The following PIK3C2G variants were observed in gnomAD, a reference collection of about 807,000 sequenced individuals.
PIK3C2G encodes the protein phosphatidylinositol-4-phosphate 3-kinase catalytic subunit type 2 gamma.
Under a neutral mutation model 181.1 loss-of-function variants are expected in PIK3C2G, and 168 were observed. The observed-to-expected ratio is 0.93, with a 90% CI of 0.82 to 1.05. PIK3C2G has a LOEUF of 1.05. Ranked by LOEUF, PIK3C2G falls within the 50% of genes least tolerant of loss-of-function variation. The pLI is 0.00. For synonymous variants in PIK3C2G, 573 were observed against 592.2 expected (o/e 0.97, Z 0.47); for missense variants, 1,869 against 1,732.8 (o/e 1.08, Z -1.40).
At chr12:18,265,106 G>A (rs916088668) in intron 1 of PIK3C2G, among the ~76,000 whole-genome samples, 2 of 152,054 alleles carry the variant, frequency 1.3e-5, no homozygotes, top group African/African-American at 4.8e-5. Flanking sequence ...ATACATGTGC[G>A]TGGCTATTTA....
At chr12:18,345,724 T>G (rs1236277465) in intron 10 of PIK3C2G, among the ~76,000 whole-genome samples, 8 of 152,214 alleles carry the variant, frequency 5.3e-5, no homozygotes. Flanking sequence ...TCTTTTAATT[T>G]TTTTTTACTT....
intron 26 of PIK3C2G, among the ~76,000 whole-genome samples, chr12:18,554,286 T>G (rs1213870071): frequency 6.6e-6 from 1 of 152,082 alleles, no homozygotes; most frequent in African/African-American, 2.4e-5. Context: ...AATATAAATG[T>G]TCTTTAACTT....
At chr12:18,320,054 A>G (rs1242895981) in intron 6 of PIK3C2G, 1 of 152,154 alleles carries the variant, frequency 6.6e-6, no homozygotes, top group Admixed American at 6.5e-5. Flanking sequence ...AAATTAATTT[A>G]CCTTTGACAT....
intron 24 of PIK3C2G, among the ~76,000 whole-genome samples, chr12:18,516,671 TC>T (rs1352345065): frequency 6.6e-6 from 1 of 152,062 alleles, no homozygotes; most frequent in Non-Finnish European, 1.5e-5. Flanking sequence ...TTTTCTTTTT[TC>T]CTTCTCTGAT....
chr12:18,300,507 T>C (rs141647649), intron 5 of PIK3C2G, among the ~76,000 whole-genome samples: 1 of 152,066 alleles, frequency 6.6e-6, no homozygotes, highest in Non-Finnish European at 1.5e-5. Context: ...TCTATATGTG[T>C]CTTTATAAGT....
chr12:18,279,382 TTAACAA>T (rs1364305980), intron 1 of PIK3C2G, among the ~76,000 whole-genome samples: 1 of 151,922 alleles, frequency 6.6e-6, no homozygotes, highest in African/African-American at 2.4e-5. Context: ...TTAGGTATCG[TTAACAA>T]TAACAAGATC....
At chr12:18,691,337 AT>A in the PIK3C2G span, among the ~76,000 whole-genome samples, 1 of 152,116 alleles carries the variant, frequency 6.6e-6, no homozygotes, top group Non-Finnish European at 1.5e-5. Flanking sequence ...CAGAATGGTG[AT>A]TAAGGAGGTA....
At chr12:18,652,514 G>GTTGC (rs1950562761), downstream of PIK3C2G, among the ~76,000 whole-genome samples, 1 of 152,138 alleles carries the variant, frequency 6.6e-6, no homozygotes, top group Non-Finnish European at 1.5e-5. Context: ...GAAAAATACT[G>GTTGC]TTGCTTAAGC....
At chr12:18,246,129 C>T (rs1387919109), upstream of PIK3C2G, among the ~76,000 whole-genome samples, 1 of 152,060 alleles carries the variant, frequency 6.6e-6, no homozygotes, top group African/African-American at 2.4e-5. Context: ...AGAACAGTAC[C>T]ATGATCATCT....
intron 31 of PIK3C2G, among the ~76,000 whole-genome samples, chr12:18,615,099 G>A (rs1196957399): frequency 2.0e-5 from 3 of 151,864 alleles, no homozygotes; most frequent in Non-Finnish European, 2.9e-5. Context: ...CCAATGTGTA[G>A]TCTTTTATTT....
chr12:18,466,101 T>C (rs1937851291), intron 18 of PIK3C2G, among the ~76,000 whole-genome samples: 1 of 151,716 alleles, frequency 6.6e-6, no homozygotes, highest in African/African-American at 2.4e-5. Flanking sequence ...GTATATATTA[T>C]ACATAGAACA....
intron 8 of PIK3C2G, among the ~76,000 whole-genome samples, chr12:18,334,685 A>T (rs1938351306): frequency 6.6e-6 from 1 of 151,842 alleles, no homozygotes; most frequent in Admixed American, 6.6e-5. Context: ...TCTATGTATC[A>T]CCTCTATGAA....
At chr12:18,396,860 C>A (rs1375770350) in intron 15 of PIK3C2G, among the ~76,000 whole-genome samples, 1 of 151,712 alleles carries the variant, frequency 6.6e-6, no homozygotes, top group Admixed American at 6.6e-5. Context: ...CCAAACTCAT[C>A]TATAAATAAA....
chr12:18,406,172 T>A (rs1944519244), intron 16 of PIK3C2G, among the ~76,000 whole-genome samples: 2 of 152,190 alleles, frequency 1.3e-5, no homozygotes, highest in South Asian at 4.1e-4. Context: ...TAGCATAATG[T>A]CCTCCAAGTT....
At chr12:18,701,735 T>C in the PIK3C2G span, 1 of 1,612,128 alleles carries the variant, frequency 6.2e-7, no homozygotes, top group Non-Finnish European at 8.5e-7. Context: ...CCTTTAAGGT[T>C]CCTATTTTCT....
rs377726105 is a variant in PIK3C2G at position 18,562,689 on chromosome 12, T to C, written c.3591-14T>C. The stretch of plus-strand genomic sequence containing the variant: ...GGAGTGTCACTCACTATCTTTTCTT[T>C]TACATTTCTCTAGGAAAATAAAGGA... On this transcript the variant is annotated splice_polypyrimidine_tract_variant and intron_variant, in intron 26 of 32. Coordinates refer to ENST00000538779, the MANE Select transcript of PIK3C2G (RefSeq NM_001288772.2). 1.9e-4 allele frequency: 279 copies of C among 1,505,410 alleles called. No homozygotes were observed. Among genetic ancestry groups the C allele is most frequent in the Non-Finnish European group, 2.5e-4 (273 of 1,096,672 alleles). 93.3% of individuals were successfully genotyped at this position (1,505,410 alleles called of 1,614,324 possible).
At chr12:18,417,353 A>T (rs1177437472) in intron 16 of PIK3C2G, among the ~76,000 whole-genome samples, 5 of 152,228 alleles carry the variant, frequency 3.3e-5, no homozygotes, top group Admixed American at 3.3e-4. Flanking sequence ...TGATTGAGAA[A>T]GCAGTGGCAG....
intron 1 of PIK3C2G, among the ~76,000 whole-genome samples, chr12:18,269,356 T>C (rs2137043455): frequency 6.6e-6 from 1 of 152,270 alleles, no homozygotes; most frequent in South Asian, 2.1e-4. Context: ...AACATCCACA[T>C]GTTTCTAGCC....
intron 12 of PIK3C2G, among the ~76,000 whole-genome samples, chr12:18,365,645 C>A (rs1260677719): frequency 6.6e-6 from 1 of 152,120 alleles, no homozygotes; most frequent in Non-Finnish European, 1.5e-5. Flanking sequence ...ATGATCTTAG[C>A]CCTTAACCCT....
Sources: allele counts gnomAD v4.1 joint callset (sites outside exome capture counted in the v4.1 genomes callset), GRCh38; gene constraint gnomAD v4.1.1; transcripts MANE v1.5; gene names NCBI Gene and HGNC (gene_info 2026-07-23, HGNC 2026-07-21).